The following DPP10 variants were observed in gnomAD, a reference collection of about 807,000 sequenced individuals.
DPP10 encodes inactive dipeptidyl peptidase 10.
A neutral mutation model predicts 120.9 loss-of-function variants in DPP10; 33 were observed. That is an observed-to-expected ratio of 0.27 (90% CI 0.21 to 0.37). The LOEUF (loss-of-function observed/expected upper bound fraction) is 0.37, where lower values mean the gene tolerates loss of function less well. DPP10 is among the 10% of genes least tolerant of loss of function. The pLI is 1.00. For missense variants in DPP10, 816 were observed against 942.8 expected (o/e 0.87, Z 1.76); for synonymous variants, 337 against 326.1 (o/e 1.03, Z -0.36).
At chr2:114,826,345 A>C (rs1321622866) in intron 1 of DPP10, among the ~76,000 whole-genome samples, 1 of 152,202 alleles carries the variant, frequency 6.6e-6, no homozygotes. Context: ...CTGTCTCAAA[A>C]TATGTAAAAG....
At chr2:115,716,441 A>G (rs1303282011) in intron 7 of DPP10, among the ~76,000 whole-genome samples, 1 of 152,180 alleles carries the variant, frequency 6.6e-6, no homozygotes, top group East Asian at 1.9e-4. Flanking sequence ...GGGATAGCCA[A>G]TTCTATAGAA....
At chr2:115,111,695 C>T (rs2049229889) in intron 1 of DPP10, among the ~76,000 whole-genome samples, 1 of 152,168 alleles carries the variant, frequency 6.6e-6, no homozygotes, top group Non-Finnish European at 1.5e-5. Flanking sequence ...AGGCAAGCTT[C>T]AGGCCTGAAA....
At chr2:115,118,682 C>CAATTCTCCTGCCTCAGTCTCCCA (rs1176876971) in intron 1 of DPP10, among the ~76,000 whole-genome samples, 2 of 151,994 alleles carry the variant, frequency 1.3e-5, no homozygotes, top group Non-Finnish European at 2.9e-5. Context: ...TGGGTTCAAG[C>CAATTCTCCTGCCTCAGTCTCCCA]AATTCTCCTG....
chr2:114,475,789 CA>C (rs755465564), intron 1 of DPP10, among the ~76,000 whole-genome samples: 9 of 152,110 alleles, frequency 5.9e-5, no homozygotes, highest in African/African-American at 2.4e-5. Flanking sequence ...TGTAAAATAA[CA>C]AAGTAGACAA....
At chr2:115,716,048 AAG>A (rs2149591243) in intron 7 of DPP10, among the ~76,000 whole-genome samples, 1 of 152,346 alleles carries the variant, frequency 6.6e-6, no homozygotes, top group South Asian at 2.1e-4. Flanking sequence ...TAGAAGGATT[AAG>A]AGATCTAATC....
At position 115,590,151 on chromosome 2, in the gene DPP10, TTTATTATTA is replaced by T. The variant is rs59816892; in HGVS notation, c.441+64205_441+64213del. On this transcript the variant is annotated intron_variant, in intron 5 of 25. Coordinates refer to ENST00000410059, the MANE Select transcript of DPP10 (RefSeq NM_020868.6). Reference sequence around the variant, plus strand: ...TTTCCCCCATATGGTATTTGTTTTCTTTATTATTATTATTATTATTATTATTATTATTAT... The same window carrying T: ...TTTCCCCCATATGGTATTTGTTTTCTTTATTATTATTATTATTATTATTAT... Among the ~76,000 whole-genome samples the T allele has an allele frequency of 2.7e-3, 375 of 138,724 alleles. 3 individuals are homozygous for T. The highest frequency in any genetic ancestry group is 2.9e-3 in the Non-Finnish European group (191 of 64,942). The allele number at this position is 138,724 out of a possible 152,430, so 91.0% of individuals were successfully genotyped here.
intron 1 of DPP10, among the ~76,000 whole-genome samples, chr2:114,980,075 C>A (rs1433724148): frequency 6.6e-6 from 1 of 151,992 alleles, no homozygotes; most frequent in African/African-American, 2.4e-5. Flanking sequence ...ATTTCCCTAC[C>A]TTCCATCATT....
At chr2:115,345,272 T>C (rs766688776) in intron 3 of DPP10, among the ~76,000 whole-genome samples, 5 of 152,186 alleles carry the variant, frequency 3.3e-5, no homozygotes, top group Non-Finnish European at 7.4e-5. Flanking sequence ...TGTTTATAAA[T>C]TTGAGGCTAG....
chr2:114,728,761 C>T (rs1258810116), intron 1 of DPP10, among the ~76,000 whole-genome samples: 1 of 152,156 alleles, frequency 6.6e-6, no homozygotes, highest in Non-Finnish European at 1.5e-5. Flanking sequence ...GGAAAATACA[C>T]ATACAGTGTC....
intron 1 of DPP10, among the ~76,000 whole-genome samples, chr2:114,999,066 G>A (rs12711814): frequency 0.98 from 148,584 of 152,282 alleles, 72,601 homozygotes; most frequent in Middle Eastern, 1. Context: ...TTTTTTATAA[G>A]GTGTGGTGCA....
chr2:115,579,168 C>A (rs1421603520), intron 5 of DPP10: 3 of 152,080 alleles, frequency 2.0e-5, no homozygotes, highest in African/African-American at 7.2e-5. Flanking sequence ...AGTGGCAGAG[C>A]TGGGGCATGA....
intron 5 of DPP10, among the ~76,000 whole-genome samples, chr2:115,581,528 T>C (rs1243776531): frequency 2.6e-5 from 4 of 152,174 alleles, no homozygotes; most frequent in African/African-American, 7.2e-5. Context: ...CAGCCGCTCA[T>C]GCTACTATAC....
At chr2:114,450,032 T>A (rs1678170947) in intron 1 of DPP10, among the ~76,000 whole-genome samples, 1 of 152,226 alleles carries the variant, frequency 6.6e-6, no homozygotes, top group African/African-American at 2.4e-5. Flanking sequence ...CAGTTAGTCA[T>A]CCCAGTGCTG....
intron 10 of DPP10, among the ~76,000 whole-genome samples, chr2:115,748,908 C>A (rs1389405211): frequency 3.9e-5 from 6 of 152,126 alleles, no homozygotes; most frequent in African/African-American, 1.4e-4. Flanking sequence ...GAAGTCATTT[C>A]ATCAATTTAG....
intron 1 of DPP10, among the ~76,000 whole-genome samples, chr2:114,530,295 G>A (rs1023951184): frequency 6.6e-6 from 1 of 152,038 alleles, no homozygotes; most frequent in African/African-American, 2.4e-5. Flanking sequence ...TGTGGCAAAT[G>A]ATTATCATTT....
intron 1 of DPP10, among the ~76,000 whole-genome samples, chr2:114,659,048 C>G (rs781337629): frequency 6.6e-6 from 1 of 152,138 alleles, no homozygotes; most frequent in Admixed American, 6.6e-5. Flanking sequence ...TTCTCTCTCA[C>G]GCTTCTGCTG....
At chr2:115,493,399 T>C (rs1291225716) in intron 3 of DPP10, among the ~76,000 whole-genome samples, 1 of 151,960 alleles carries the variant, frequency 6.6e-6, no homozygotes, top group Non-Finnish European at 1.5e-5. Context: ...AGATATGTGA[T>C]CTAGCATAGA....
chr2:114,701,349 C>T (rs571633985), intron 1 of DPP10, among the ~76,000 whole-genome samples: 3 of 152,038 alleles, frequency 2.0e-5, no homozygotes, highest in African/African-American at 7.2e-5. Context: ...AGAGTATGTA[C>T]ATCATCCATG....
At chr2:115,006,241 C>G (rs1034262423) in intron 1 of DPP10, among the ~76,000 whole-genome samples, 2 of 151,944 alleles carry the variant, frequency 1.3e-5, no homozygotes, top group African/African-American at 2.4e-5. Flanking sequence ...AAGGAACAAC[C>G]GGTACCAGAC....
Sources: gnomAD v4.1 joint callset for allele counts (sites outside exome capture counted in the v4.1 genomes callset) on GRCh38, gnomAD v4.1.1 for gene constraint, MANE v1.5 for transcripts, NCBI Gene and HGNC (gene_info 2026-07-23, HGNC 2026-07-21) for gene names.